Variants in STAT4 observed in about 807,000 individuals in gnomAD.
STAT4 encodes signal transducer and activator of transcription 4.
In STAT4, 42 loss-of-function variants were observed where a neutral mutation model predicts 110.5. That is an observed-to-expected ratio of 0.38 (90% CI 0.30 to 0.49). STAT4 has a LOEUF of 0.49. Among genes scored for constraint, STAT4 ranks in the 20% least tolerant of loss-of-function variants. The probability of loss-of-function intolerance (pLI) is 0.95; values close to 1 mark genes in which losing one functional copy is unlikely to be tolerated. For synonymous variants in STAT4, 284 were observed against 302.2 expected (o/e 0.94, Z 0.63); for missense variants, 632 against 887.9 (o/e 0.71, Z 3.66).
chr2:191,077,948 G>A lies in STAT4; in HGVS notation c.274-1623C>T, dbSNP rs1053594151. Among the ~76,000 whole-genome samples the A allele has an allele frequency of 2.6e-5, 4 of 151,818 alleles. No individual in the cohort carries two copies. The highest frequency in any genetic ancestry group is 4.4e-5 in the Non-Finnish European group (3 of 67,978). ...CGGGGATACCATTTTTTCCATTTCC[G>A]TGTGTCGACAATTTCAGATTCTCTC... On this transcript the variant is annotated intron_variant, in intron 3 of 23. Transcript: ENST00000392320. The surrounding 1 kb of genome is among the most constrained non-coding windows in gnomAD (Gnocchi z 4.1).
intron 14 of STAT4, 200 bp from the exon 15 acceptor site, chr2:191,041,348 A>G (rs1368021257): frequency 4.3e-6 from 1 of 232,320 alleles, no homozygotes; most frequent in Non-Finnish European, 8.1e-6. Flanking sequence ...CCCAAACAGA[A>G]TGATTTTAAG....
Position 191,069,785 on chromosome 2 carries a change from A to C in STAT4, c.466-14T>G, listed in dbSNP as rs1403827977. ...TTGTTCTGTCATCTTTTCACAAAAG[A>C]AAACATACTCACTCTGCTGTCACAA... On this transcript the variant is annotated splice_polypyrimidine_tract_variant and intron_variant, in intron 5 of 23. Transcript: ENST00000392320. 6.3e-7 allele frequency: 1 copy of C among 1,590,010 alleles called. No individual in the cohort carries two copies. Among genetic ancestry groups the C allele is most frequent in the African/African-American group, 1.4e-5 (1 of 73,958 alleles).
intron 3 of STAT4, among the ~76,000 whole-genome samples, chr2:191,084,262 A>G (rs892794716): frequency 1.4e-5 from 2 of 147,168 alleles, no homozygotes; most frequent in African/African-American, 5.0e-5. Flanking sequence ...ACTCCGTCTA[A>G]AAAAAAAAAA....
At chr2:191,129,124 G>T (rs1698961023) in intron 3 of STAT4, among the ~76,000 whole-genome samples, 2 of 151,954 alleles carry the variant, frequency 1.3e-5, no homozygotes, top group South Asian at 4.1e-4. Context: ...AAAATTTGCT[G>T]CATGATATTT....
At chr2:191,103,218 C>G (rs1216886964) in intron 3 of STAT4, among the ~76,000 whole-genome samples, 1 of 152,066 alleles carries the variant, frequency 6.6e-6, no homozygotes, top group East Asian at 1.9e-4. Context: ...TCTCTTGTTA[C>G]GTGGAATTTT....
In STAT4 at chr2:191,146,747, A is replaced by G; in HGVS notation, c.139T>C (p.Ser47Pro). The change falls in exon 3 of 24, where the codon TCT becomes CCT. Residue 47 changes from serine (S) to proline (P), a missense_variant. By Grantham distance (74) the Ser-to-Pro change is moderately conservative (BLOSUM62 -1). This residue lies in a region of STAT4 where 488 missense variants were observed against 632.8 expected (regional missense o/e 0.77). Coordinates refer to ENST00000392320, the MANE Select transcript of STAT4 (RefSeq NM_003151.4). The surrounding 1 kb of genome is among the most constrained non-coding windows in gnomAD (Gnocchi z 4.5). ...ATCGTTGCCATGGTTTCATTGTTAG[A>G]AGCTGCCTCCCTAAAAAAAAAAAGG... Reference protein sequence around the residue: ...WIENQDWEAASNNETMATILL... With the variant: ...WIENQDWEAAPNNETMATILL... 1 of 1,550,246 alleles carries G rather than the reference A, an allele frequency of 6.5e-7. No individual in the cohort carries two copies. The highest frequency in any genetic ancestry group is 2.1e-5 in the Admixed American group (1 of 46,512).
In STAT4 at chr2:191,032,365, A is replaced by T. The variant is rs1031128568; in HGVS notation, c.2044+593T>A. ...AAATTTTCTTTTATGTATTCAACAA[A>T]TATTTACTGAATCCCTCTTTTAGCC... On this transcript the variant is annotated intron_variant, in intron 21 of 23. Transcript: ENST00000392320. This position sits in a 1 kb window ranked among gnomAD's most constrained non-coding sequence, Gnocchi z 4.9. 6.6e-6 allele frequency: 1 copy of T among 152,234 alleles called. No homozygotes were observed. The highest frequency in any genetic ancestry group is 2.1e-4 in the South Asian group (1 of 4,832). 9.4% of individuals were successfully genotyped at this position (152,234 alleles called of 1,614,324 possible). A position where few individuals can be genotyped will look rare whatever the true frequency, so the allele number is the denominator to read the frequency against.
intron 6 of STAT4, among the ~76,000 whole-genome samples, chr2:191,069,196 C>T (rs760169118): frequency 7.9e-5 from 12 of 151,652 alleles, no homozygotes; most frequent in Non-Finnish European, 1.3e-4. Flanking sequence ...GTAGATAGTG[C>T]GATTTCACGA....
chr2:191,032,614 C>T lies in STAT4; in HGVS notation c.2044+344G>A. Among the ~76,000 whole-genome samples the T allele has an allele frequency of 6.6e-6, 1 of 152,198 alleles. No homozygotes were observed. ...ATTAAAAGCTTCTCATCATTACCCC[C>T]TCTTTCTTTTCCTTTCCCTCAGTCA... On this transcript the variant is annotated intron_variant, in intron 21 of 23. Transcript: ENST00000392320. This position sits in a 1 kb window ranked among gnomAD's most constrained non-coding sequence, Gnocchi z 4.9.
intron 3 of STAT4, among the ~76,000 whole-genome samples, chr2:191,087,846 T>G (rs1196220313): frequency 6.6e-6 from 1 of 152,140 alleles, no homozygotes; most frequent in Admixed American, 6.6e-5. Context: ...CAATTGACTT[T>G]CATGATAAAA....
intron 3 of STAT4, among the ~76,000 whole-genome samples, chr2:191,093,592 C>G (rs192789587): frequency 6.6e-6 from 1 of 152,286 alleles, no homozygotes; most frequent in East Asian, 1.9e-4. Context: ...AGGTCACCAG[C>G]ATCAAAGATC....
At chr2:191,094,031 T>A (rs1307588511) in intron 3 of STAT4, among the ~76,000 whole-genome samples, 1 of 151,690 alleles carries the variant, frequency 6.6e-6, no homozygotes, top group Non-Finnish European at 1.5e-5. Flanking sequence ...AGAAGAGAAG[T>A]TTAGAGAAAA....
At chr2:191,064,401 T>A (rs1427420191) in intron 8 of STAT4, among the ~76,000 whole-genome samples, 1 of 152,220 alleles carries the variant, frequency 6.6e-6, no homozygotes, top group African/African-American at 2.4e-5. Context: ...AAATTTTCTA[T>A]CCCTGACCCA....
intron 13 of STAT4, among the ~76,000 whole-genome samples, chr2:191,055,511 G>A (rs538118776): frequency 1.6e-4 from 24 of 150,778 alleles, no homozygotes; most frequent in Non-Finnish European, 3.2e-4. Context: ...GAGCCACTGC[G>A]CCAGGCTAAT....
chr2:191,134,010 G>A (rs940443054), intron 3 of STAT4, among the ~76,000 whole-genome samples: 16 of 152,270 alleles, frequency 1.1e-4, no homozygotes, highest in African/African-American at 2.9e-4. Flanking sequence ...AGAAGGCCAC[G>A]GCCTATATGA....
chr2:191,118,991 C>A (rs1217262759), intron 3 of STAT4, among the ~76,000 whole-genome samples: 1 of 152,164 alleles, frequency 6.6e-6, no homozygotes, highest in African/African-American at 2.4e-5. Flanking sequence ...GCCTTGAACT[C>A]CTGGCCTCAA....
intron 3 of STAT4, among the ~76,000 whole-genome samples, chr2:191,129,941 C>T (rs542917462): frequency 1.3e-5 from 2 of 152,196 alleles, no homozygotes; most frequent in South Asian, 2.1e-4. Context: ...CATTTTCGTG[C>T]TTTTAATTTC....
intron 5 of STAT4, among the ~76,000 whole-genome samples, chr2:191,072,128 C>A (rs902796435): frequency 4.6e-5 from 7 of 152,040 alleles, no homozygotes; most frequent in Admixed American, 4.6e-4. Context: ...GCTCGGGGGT[C>A]CAAAAAATGT....
At chr2:191,081,768 G>A (rs1697487528) in intron 3 of STAT4, among the ~76,000 whole-genome samples, 1 of 152,146 alleles carries the variant, frequency 6.6e-6, no homozygotes, top group African/African-American at 2.4e-5. Flanking sequence ...AGATCATAGT[G>A]ACATGCTGCT....
Sources: gnomAD v4.1 joint callset for allele counts (sites outside exome capture counted in the v4.1 genomes callset) on GRCh38, gnomAD v4.1.1 for gene constraint, gnomAD v4.1.1 regional missense constraint, Gnocchi (gnomAD v3.1) non-coding constraint, MANE v1.5 for transcripts, NCBI Gene and HGNC (gene_info 2026-07-23, HGNC 2026-07-21) for gene names.